Variants in DNTTIP1 observed in about 807,000 individuals in gnomAD.
DNTTIP1 encodes deoxynucleotidyltransferase terminal-interacting protein 1.
DNTTIP1 carries 22 observed loss-of-function variants against 52.9 expected under a neutral mutation model. The ratio of observed to expected loss-of-function variants is 0.42; its 90% CI spans 0.30 to 0.59. The LOEUF (loss-of-function observed/expected upper bound fraction) is 0.59. Among genes scored for constraint, DNTTIP1 ranks in the 20% least tolerant of loss-of-function variants. The pLI is 0.22. For missense variants in DNTTIP1, 286 were observed against 435.5 expected (o/e 0.66, Z 3.06); for synonymous variants, 136 against 155.1 (o/e 0.88, Z 0.92).
chr20:45,801,567 C>A, intron 6 of DNTTIP1, 109 bp downstream of exon 6: 1 of 1,141,318 alleles, frequency 8.8e-7, no homozygotes, highest in Non-Finnish European at 1.3e-6. Flanking sequence ...CGGGGAGGAT[C>A]ACTTGAGCTC....
In DNTTIP1 at chr20:45,795,291, A is replaced by T; in HGVS notation, c.274-54A>T. On this transcript the variant is annotated intron_variant, in intron 3 of 12. Coordinates refer to ENST00000372622, the MANE Select transcript of DNTTIP1 (RefSeq NM_052951.3). ...ACTTATTTTATATTCAGTTTCCTTC[A>T]GGTTGATGCACATTAACAGGACTCT... The T allele has an allele frequency of 3.0e-6, 3 of 1,011,306 alleles. No individual in the cohort carries two copies. The South Asian group carries it at 4.3e-5, about 15-fold the overall frequency. 62.6% of individuals were successfully genotyped at this position (1,011,306 alleles called of 1,614,324 possible). A position where few individuals can be genotyped will look rare whatever the true frequency, so the allele number is the denominator to read the frequency against.
In DNTTIP1 at chr20:45,811,217, T is replaced by G. The variant is rs374848071; in HGVS notation, c.*22T>G. On this transcript the variant is annotated 3_prime_UTR_variant, in exon 13 of 13. Coordinates refer to ENST00000372622, the MANE Select transcript of DNTTIP1 (RefSeq NM_052951.3). ...CTGAGGCCGGGTCCCCTGGCCACAC[T>G]TGGCAGCCCTCCTCCAAAGCCCTCT... 1 of 1,586,322 alleles carries G rather than the reference T, an allele frequency of 6.3e-7. No individual in the cohort carries two copies. The highest frequency in any genetic ancestry group is 1.3e-5 in the African/African-American group (1 of 74,218).
intron 2 of DNTTIP1, among the ~76,000 whole-genome samples, chr20:45,793,500 G>C (rs1981117215): frequency 6.6e-6 from 1 of 152,174 alleles, no homozygotes; most frequent in South Asian, 2.1e-4. Flanking sequence ...GGGAGTTCGA[G>C]ACCAGCCTGA....
At chr20:45,798,065 A>G (rs1222929253) in intron 4 of DNTTIP1, among the ~76,000 whole-genome samples, 2 of 152,234 alleles carry the variant, frequency 1.3e-5, no homozygotes, top group African/African-American at 4.8e-5. Context: ...CACAATAGCA[A>G]AGACTTGGAA....
intron 10 of DNTTIP1, among the ~76,000 whole-genome samples, chr20:45,806,136 AC>A (rs1981635978): frequency 6.6e-6 from 1 of 151,958 alleles, no homozygotes; most frequent in African/African-American, 2.4e-5. Context: ...CTGGCGGATC[AC>A]CTGAAGTCGG....
At chr20:45,808,557 T>C (rs1193662724) in intron 10 of DNTTIP1, among the ~76,000 whole-genome samples, 3 of 152,080 alleles carry the variant, frequency 2.0e-5, no homozygotes, top group African/African-American at 7.2e-5. Context: ...GGAGAATCGC[T>C]TGAACCCAGG....
At chr20:45,810,025 TA>T (rs968818906) in intron 11 of DNTTIP1, among the ~76,000 whole-genome samples, 78 of 146,986 alleles carry the variant, frequency 5.3e-4, no homozygotes, top group African/African-American at 1.6e-3. Flanking sequence ...AGTAGTTCTT[TA>T]AAAAAAAAAA....
intron 10 of DNTTIP1, 87 bp downstream of exon 10, chr20:45,805,453 C>G: frequency 7.0e-7 from 1 of 1,435,574 alleles, no homozygotes; most frequent in South Asian, 1.3e-5. Flanking sequence ...AGAACAAACA[C>G]TGATCTTGGA....
At chr20:45,800,364 C>A (rs1291811834) in intron 4 of DNTTIP1, among the ~76,000 whole-genome samples, 4 of 151,732 alleles carry the variant, frequency 2.6e-5, no homozygotes, top group Non-Finnish European at 5.9e-5. Flanking sequence ...ATATCTATTT[C>A]TATGCATATA....
intron 4 of DNTTIP1, among the ~76,000 whole-genome samples, chr20:45,796,020 A>G (rs949425883): frequency 6.6e-6 from 1 of 152,302 alleles, no homozygotes; most frequent in Admixed American, 6.5e-5. Context: ...ATAGATGAAG[A>G]AATTGTGACT....
intron 3 of DNTTIP1, 113 bp downstream of exon 3, chr20:45,794,130 T>C: frequency 1.7e-6 from 1 of 584,056 alleles, no homozygotes. Flanking sequence ...AAGTTTTCCT[T>C]TCTTGTTGTT....
chr20:45,803,880 G>A (rs867205489), intron 8 of DNTTIP1, among the ~76,000 whole-genome samples: 1 of 152,130 alleles, frequency 6.6e-6, no homozygotes, highest in Admixed American at 6.6e-5. Flanking sequence ...TCAAACCCAA[G>A]ACCCGCTGAC....
At chr20:45,806,442 G>C (rs1017941448) in intron 10 of DNTTIP1, among the ~76,000 whole-genome samples, 10 of 152,080 alleles carry the variant, frequency 6.6e-5, no homozygotes, top group Non-Finnish European at 1.5e-4. Flanking sequence ...GCTATGTTTT[G>C]GTCCCCACTG....
intron 4 of DNTTIP1, among the ~76,000 whole-genome samples, chr20:45,800,697 ATATATATATATATATATATATATATATAT>A (rs1981427312): frequency 4.3e-3 from 25 of 5,844 alleles, no homozygotes; most frequent in Non-Finnish European, 9.3e-3. Flanking sequence ...AAAAAAAAAT[ATATATATATATATATATATATATATATAT>A]ATATATATAT....
chr20:45,808,418 A>G (rs886472032), intron 10 of DNTTIP1, among the ~76,000 whole-genome samples: 2 of 152,142 alleles, frequency 1.3e-5, no homozygotes, highest in African/African-American at 4.8e-5. Context: ...AGGTGGGCAG[A>G]TCACCTGAGG....
At chr20:45,795,542 T>C in intron 4 of DNTTIP1, 99 bp downstream of exon 4, 1 of 699,834 alleles carries the variant, frequency 1.4e-6, no homozygotes, top group East Asian at 3.1e-5. Flanking sequence ...CTCACACATG[T>C]AATCCCAGCA....
intron 2 of DNTTIP1, among the ~76,000 whole-genome samples, chr20:45,793,487 G>A (rs1837941870): frequency 6.6e-6 from 1 of 152,136 alleles, no homozygotes; most frequent in Admixed American, 6.5e-5. Context: ...ATCACCTGAG[G>A]TTGGGAGTTC....
intron 11 of DNTTIP1, among the ~76,000 whole-genome samples, chr20:45,810,102 A>G (rs781008084): frequency 7.2e-5 from 11 of 152,198 alleles, no homozygotes; most frequent in Non-Finnish European, 1.3e-4. Flanking sequence ...ATTCAGCTGT[A>G]GGCCCCACTC....
intron 10 of DNTTIP1, among the ~76,000 whole-genome samples, chr20:45,807,687 C>T (rs983641510): frequency 7.9e-5 from 12 of 152,186 alleles, no homozygotes; most frequent in Non-Finnish European, 1.5e-4. Context: ...TGACTCACGC[C>T]TGTAATCCCA....
Sources: gnomAD v4.1 joint callset for allele counts (sites outside exome capture counted in the v4.1 genomes callset) on GRCh38, gnomAD v4.1.1 for gene constraint, MANE v1.5 for transcripts, NCBI Gene and HGNC (gene_info 2026-07-23, HGNC 2026-07-21) for gene names.